MAGI2: variants seen among roughly 807,000 people sequenced by gnomAD.
The protein encoded by MAGI2 is membrane-associated guanylate kinase, WW and PDZ domain-containing protein 2.
In MAGI2, 35 loss-of-function variants were observed where a neutral mutation model predicts 133.3. That is an observed-to-expected ratio of 0.26 (90% CI 0.20 to 0.35). MAGI2 has a LOEUF of 0.35. MAGI2 is among the 10% of genes least tolerant of loss of function. MAGI2 has a pLI of 1.00. For missense variants in MAGI2, 1,636 were observed against 1,863.4 expected, an observed-to-expected ratio of 0.88 and a Z score of 2.25; for synonymous variants, 729 against 710.6, an observed-to-expected ratio of 1.03 and a Z score of -0.41.
At chr7:78,670,951 A>G (rs758944789) in intron 2 of MAGI2, among the ~76,000 whole-genome samples, 5 of 152,156 alleles carry the variant, frequency 3.3e-5, no homozygotes, top group Non-Finnish European at 5.9e-5. Flanking sequence ...ATAATGAGTA[A>G]AGCCAAAGCC....
chr7:79,233,837 A>G (rs1831614839), intron 1 of MAGI2, among the ~76,000 whole-genome samples: 1 of 150,826 alleles, frequency 6.6e-6, no homozygotes, highest in Admixed American at 6.6e-5. Flanking sequence ...TCCTGTCATT[A>G]TGATGTTAGC....
intron 1 of MAGI2, among the ~76,000 whole-genome samples, chr7:79,177,766 G>T (rs184579309): frequency 6.6e-6 from 1 of 152,120 alleles, no homozygotes; most frequent in Admixed American, 6.5e-5. Flanking sequence ...GTCTGATTTT[G>T]TAGAGCCTAC....
chr7:79,389,264 G>T (rs944050266), intron 1 of MAGI2, among the ~76,000 whole-genome samples: 1 of 151,796 alleles, frequency 6.6e-6, no homozygotes, highest in African/African-American at 2.4e-5. Context: ...TTTCATAAAC[G>T]CTATGGTCAG....
intron 2 of MAGI2, among the ~76,000 whole-genome samples, chr7:78,662,532 T>A (rs934457771): frequency 1.3e-5 from 2 of 152,238 alleles, no homozygotes; most frequent in South Asian, 4.1e-4. Context: ...TTTTACTGAA[T>A]GTATTTTGCT....
intron 16 of MAGI2, among the ~76,000 whole-genome samples, chr7:78,141,300 C>G (rs1822723026): frequency 6.6e-6 from 1 of 152,120 alleles, no homozygotes; most frequent in Non-Finnish European, 1.5e-5. Flanking sequence ...GGTGGAAACT[C>G]CTGATCTGTT....
chr7:78,379,288 A>G (rs910344687), intron 6 of MAGI2, among the ~76,000 whole-genome samples: 6 of 151,962 alleles, frequency 3.9e-5, no homozygotes, highest in African/African-American at 9.6e-5. Flanking sequence ...TGGCTTATAA[A>G]GAAAAACCTG....
chr7:78,632,617 C>G (rs186753958), intron 2 of MAGI2, among the ~76,000 whole-genome samples: 1 of 152,326 alleles, frequency 6.6e-6, no homozygotes, highest in East Asian at 1.9e-4. Context: ...ATCTTGGCGC[C>G]TCATACAGGT....
intron 2 of MAGI2, among the ~76,000 whole-genome samples, chr7:78,833,981 T>C (rs1791408605): frequency 6.6e-6 from 1 of 152,172 alleles, no homozygotes; most frequent in Non-Finnish European, 1.5e-5. Context: ...GTGAAAGTCA[T>C]TATTATGTCC....
intron 16 of MAGI2, among the ~76,000 whole-genome samples, chr7:78,135,543 A>G (rs143905696): frequency 0.013 from 1,971 of 152,278 alleles, 44 homozygotes; most frequent in African/African-American, 0.045. Context: ...GGAGGCGAGG[A>G]CCATGAATTT....
intron 1 of MAGI2, among the ~76,000 whole-genome samples, chr7:79,201,570 GA>G (rs1828619896): frequency 6.6e-6 from 1 of 151,764 alleles, no homozygotes; most frequent in East Asian, 1.9e-4. Flanking sequence ...CTGTTGACCT[GA>G]AATTTTGGGG....
At chr7:79,288,033 C>T (rs55653170) in intron 1 of MAGI2, among the ~76,000 whole-genome samples, 2,435 of 152,206 alleles carry the variant, frequency 0.016, 53 homozygotes, top group African/African-American at 0.057. Context: ...TAGGGTCTAT[C>T]TCACCTATAT....
At chr7:78,198,852 G>C (rs1828982020) in intron 11 of MAGI2, among the ~76,000 whole-genome samples, 1 of 152,176 alleles carries the variant, frequency 6.6e-6, no homozygotes, top group Non-Finnish European at 1.5e-5. Context: ...TCTTGATTCT[G>C]TATTTGAAGA....
chr7:78,656,366 A>C (rs1812274938), intron 2 of MAGI2, among the ~76,000 whole-genome samples: 1 of 152,256 alleles, frequency 6.6e-6, no homozygotes, highest in South Asian at 2.1e-4. Flanking sequence ...TCCTTTAAAA[A>C]GTAGATCCTT....
intron 10 of MAGI2, among the ~76,000 whole-genome samples, chr7:78,226,072 C>T (rs1291452223): frequency 6.6e-6 from 1 of 152,084 alleles, no homozygotes; most frequent in Non-Finnish European, 1.5e-5. Flanking sequence ...ATATAAGCCC[C>T]TGTTTTAAAA....
At chr7:78,686,560 G>GAAAA (rs5885089) in intron 2 of MAGI2, among the ~76,000 whole-genome samples, 7 of 136,574 alleles carry the variant, frequency 5.1e-5, no homozygotes, top group African/African-American at 1.4e-4. Context: ...GAGGAAAGTG[G>GAAAA]AAAAAAAAAA....
intron 1 of MAGI2, among the ~76,000 whole-genome samples, chr7:79,102,870 T>G (rs1818108493): frequency 6.6e-6 from 1 of 152,214 alleles, no homozygotes; most frequent in South Asian, 2.1e-4. Context: ...CAGATGTAAT[T>G]AAAGTCTATA....
chr7:78,428,197 A>G (rs1364264911), intron 6 of MAGI2, among the ~76,000 whole-genome samples: 1 of 152,184 alleles, frequency 6.6e-6, no homozygotes. Context: ...TGAAGTTGAT[A>G]TTGCTATGGA....
chr7:78,178,044 G>A lies in MAGI2; in HGVS notation c.2370C>T (p.Phe790=). The A allele has an allele frequency of 6.2e-7, 1 of 1,613,186 alleles. No individual in the cohort carries two copies. The change falls in exon 14 of 22, where the codon TTC becomes TTT. Residue 790 remains phenylalanine (F), a synonymous_variant. Transcript: ENST00000354212. ...HLRRMESGFG[F]RILGGDEPGQ... is the part of the protein sequence containing the mutation. ...CAGGCTCATCTCCCCCGAGGATTCTGAAGCCAAATCCAGACTCCATCCTCC... is the reference window on the plus strand; with the variant it reads ...CAGGCTCATCTCCCCCGAGGATTCTAAAGCCAAATCCAGACTCCATCCTCC...
chr7:78,671,097 T>C (rs12667754), intron 2 of MAGI2, among the ~76,000 whole-genome samples: 50,395 of 151,892 alleles, frequency 0.33, 8,517 homozygotes, highest in African/African-American at 0.37. Context: ...AGTAAGATTA[T>C]CAAACCTATG....
Sources: gnomAD v4.1 joint callset for allele counts (sites outside exome capture counted in the v4.1 genomes callset) on GRCh38, gnomAD v4.1.1 for gene constraint, MANE v1.5 for transcripts, NCBI Gene and HGNC (gene_info 2026-07-23, HGNC 2026-07-21) for gene names.